Variants in TRPC4AP observed in about 807,000 individuals in gnomAD.
The protein encoded by TRPC4AP is short transient receptor potential channel 4-associated protein.
In TRPC4AP, 45 loss-of-function variants were observed where a neutral mutation model predicts 99.0. That is an observed-to-expected ratio of 0.45 (90% CI 0.36 to 0.58). TRPC4AP has a LOEUF of 0.58. TRPC4AP is among the 20% of genes least tolerant of loss of function. The pLI, the probability that TRPC4AP is intolerant of heterozygous loss-of-function variation, is 0.00. For synonymous variants in TRPC4AP, 408 were observed against 385.8 expected (o/e 1.06, Z -0.67); for missense variants, 879 against 985.3 (o/e 0.89, Z 1.44).
At chr20:35,006,601 G>C in intron 14 of TRPC4AP, 26 bp from the exon 15 acceptor site, 1 of 1,607,502 alleles carries the variant, frequency 6.2e-7, no homozygotes, top group Non-Finnish European at 8.5e-7. Context: ...CAGGGTGAAG[G>C]TGTCAACGTG....
At chr20:35,008,544 A>G (rs1229940501) in intron 13 of TRPC4AP, 120 bp downstream of exon 13, 7 of 827,278 alleles carry the variant, frequency 8.5e-6, no homozygotes, top group Non-Finnish European at 1.2e-5. Flanking sequence ...CCTCTCCCCA[A>G]CAGTAATTGT....
chr20:35,005,829 G>GCCCACTGCCT, intron 15 of TRPC4AP, 26 bp from the exon 16 acceptor site: 2 of 1,607,262 alleles, frequency 1.2e-6, no homozygotes, highest in Non-Finnish European at 1.7e-6. Context: ...GCTCACAGCA[G>GCCCACTGCCT]GCAGTGGGCT....
intron 17 of TRPC4AP, among the ~76,000 whole-genome samples, chr20:35,004,170 G>A (rs1421475932): frequency 6.6e-6 from 1 of 152,176 alleles, no homozygotes; most frequent in East Asian, 1.9e-4. Flanking sequence ...CCTCAGGTCC[G>A]ATTCCAAAGC....
chr20:35,008,003 C>T (rs766300425), intron 13 of TRPC4AP, among the ~76,000 whole-genome samples: 10 of 152,288 alleles, frequency 6.6e-5, no homozygotes, highest in Admixed American at 1.3e-4. Flanking sequence ...GTGTGGGAAG[C>T]GGACGAACAC....
chr20:35,060,584 C>CGAAAAA (rs1569133058), intron 3 of TRPC4AP, among the ~76,000 whole-genome samples: 2 of 45,864 alleles, frequency 4.4e-5, no homozygotes, highest in Admixed American at 2.8e-4. Context: ...GACCTTGTCT[C>CGAAAAA]CAAAAAAAAA....
chr20:35,003,432 T>C lies in TRPC4AP; in HGVS notation c.2234A>G (p.Lys745Arg). The change falls in exon 18 of 19, where the codon AAG becomes AGG. Residue 745 changes from lysine to arginine, a missense_variant. Lys to Arg is a conservative substitution (Grantham distance 26, BLOSUM62 2). Coordinates refer to ENST00000252015, the MANE Select transcript of TRPC4AP (RefSeq NM_015638.3). ...CACGTTCTCTAGGCAGGTGCTGTCC[T>C]TGTCCTTGTGCAGGTAGTGCTGCTG... Reference protein sequence around the residue: ...FWQQHYLHKDKDSTCLENSSC... With the variant: ...FWQQHYLHKDRDSTCLENSSC... 1 of 1,613,440 alleles carries C rather than the reference T, an allele frequency of 6.2e-7. No individual in the cohort carries two copies. Among genetic ancestry groups the C allele is most frequent in the Non-Finnish European group, 8.5e-7 (1 of 1,179,560 alleles).
rs2083292014 is a variant in TRPC4AP, at chr20:35,035,220, G to C, written c.954C>G (p.Phe318Leu). 1 of 1,614,126 alleles carries C rather than the reference G, an allele frequency of 6.2e-7. No homozygotes were observed. Among genetic ancestry groups the C allele is most frequent in the Non-Finnish European group, 8.5e-7 (1 of 1,180,016 alleles). Reference sequence around the variant, plus strand: ...TGTACCACTCTTCCAACTCCTGAAGGAAGCTGGCTGTGCCCGTTGACTCTG... The same window carrying C: ...TGTACCACTCTTCCAACTCCTGAAGCAAGCTGGCTGTGCCCGTTGACTCTG... ...KVSESTGTAS[F>L]LQELEEWYTW... Residue 318 changes from phenylalanine (F) to leucine (L), a missense_variant, in exon 8 of 19, where the codon TTC (phenylalanine) becomes TTG (leucine). Phe to Leu is a conservative substitution (Grantham distance 22). Coordinates refer to ENST00000252015, the MANE Select transcript of TRPC4AP (RefSeq NM_015638.3).
chr20:35,027,820 C>T (rs1437261775), intron 8 of TRPC4AP, among the ~76,000 whole-genome samples: 3 of 152,062 alleles, frequency 2.0e-5, no homozygotes, highest in Non-Finnish European at 2.9e-5. Context: ...CCCTTAGAGT[C>T]CTCTTACTTT....
intron 9 of TRPC4AP, among the ~76,000 whole-genome samples, chr20:35,018,397 A>C (rs1244518268): frequency 6.6e-6 from 1 of 152,062 alleles, no homozygotes; most frequent in African/African-American, 2.4e-5. Context: ...GGAGTTTCAG[A>C]CCATCCTGGC....
chr20:35,081,268 T>C (rs1294968687), intron 1 of TRPC4AP, among the ~76,000 whole-genome samples: 6 of 152,010 alleles, frequency 3.9e-5, no homozygotes, highest in African/African-American at 1.5e-4. Context: ...ACTGCAGCAC[T>C]TTGGGAGGCA....
intron 1 of TRPC4AP, among the ~76,000 whole-genome samples, chr20:35,082,485 GA>G (rs2084673469): frequency 6.6e-6 from 1 of 152,102 alleles, no homozygotes; most frequent in South Asian, 2.1e-4. Flanking sequence ...GGTCAAAGAA[GA>G]AATCGAAGTG....
At position 35,078,176 on chromosome 20, in the gene TRPC4AP, T is replaced by C; in HGVS notation, c.169-2A>G. The C allele has an allele frequency of 1.2e-6, 2 of 1,611,752 alleles. No homozygotes were observed. The highest frequency in any genetic ancestry group is 1.7e-6 in the Non-Finnish European group (2 of 1,178,770). On this transcript the variant is annotated splice_acceptor_variant, in intron 1 of 18. Coordinates refer to ENST00000252015, the MANE Select transcript of TRPC4AP (RefSeq NM_015638.3). LOFTEE classifies it high-confidence loss of function. The stretch of plus-strand genomic sequence containing the variant: ...CTCCGTCAAAAAAGTCTCAGTGAAC[T>C]GTGAGTCAAAAAAAGAGAGAACATA...
chr20:35,012,715 T>C (rs573785892), intron 11 of TRPC4AP, among the ~76,000 whole-genome samples: 1 of 152,176 alleles, frequency 6.6e-6, no homozygotes, highest in South Asian at 2.1e-4. Flanking sequence ...AGAGGGGCAG[T>C]AGGTTGAGAA....
chr20:35,002,917 T>C lies in TRPC4AP; in HGVS notation c.*229A>G. The C allele has an allele frequency of 1.9e-6, 1 of 516,148 alleles. No homozygotes were observed. 32.0% of individuals were successfully genotyped at this position (516,148 alleles called of 1,614,324 possible). A position where few individuals can be genotyped will look rare whatever the true frequency, so the allele number is the denominator to read the frequency against. On this transcript the variant is annotated 3_prime_UTR_variant, in exon 19 of 19. Transcript: ENST00000252015. ...GGGCCCCAGGGTTCTGAAGGAAAGG[T>C]GGGCATGGTACCCTGTCCTCATTAT...
At chr20:35,013,115 C>CA (rs1315553728) in intron 10 of TRPC4AP, 49 bp from the exon 11 acceptor site, 1 of 1,575,928 alleles carries the variant, frequency 6.3e-7, no homozygotes, top group South Asian at 1.1e-5. Context: ...CACAAGGTTC[C>CA]AAAATAACAC....
rs71196775 is a variant in TRPC4AP at position 35,028,211 on chromosome 20, C to CTTT, written c.1052-6858_1052-6856dup. ...ATTTTCATTTGTCTCAAAATATTTC[C>CTTT]TTTTTTTTTTTTGATGGAATCTCAC... On this transcript the variant is annotated intron_variant, in intron 8 of 18. Transcript: ENST00000252015. 1.9e-3 allele frequency among the ~76,000 whole-genome samples: 274 copies of CTTT among 147,102 alleles called. 3 individuals carry two copies. The highest frequency in any genetic ancestry group is 4.8e-3 in the East Asian group (24 of 5,022).
chr20:35,077,810 CAT>C (rs1209756431), intron 2 of TRPC4AP, among the ~76,000 whole-genome samples: 1 of 152,150 alleles, frequency 6.6e-6, no homozygotes, highest in Admixed American at 6.5e-5. Context: ...AATAAACACA[CAT>C]AGAGCCCAAA....
intron 13 of TRPC4AP, 83 bp from the exon 14 acceptor site, chr20:35,007,723 T>C (rs1227548936): frequency 7.1e-7 from 1 of 1,417,168 alleles, no homozygotes; most frequent in Non-Finnish European, 9.9e-7. Context: ...GGGAGATGTT[T>C]GTTGCCTTTT....
chr20:35,026,286 G>A (rs1055347805), intron 8 of TRPC4AP, among the ~76,000 whole-genome samples: 3 of 151,696 alleles, frequency 2.0e-5, no homozygotes, highest in Non-Finnish European at 4.4e-5. Flanking sequence ...ACAATCACAG[G>A]TTACTGCAGC....
Sources: gnomAD v4.1 joint callset for allele counts (sites outside exome capture counted in the v4.1 genomes callset) on GRCh38, gnomAD v4.1.1 for gene constraint, MANE v1.5 for transcripts, NCBI Gene and HGNC (gene_info 2026-07-23, HGNC 2026-07-21) for gene names.